The following MLLT3 variants were observed in gnomAD, a reference collection of about 807,000 sequenced individuals.
MLLT3 encodes protein AF-9.
A neutral mutation model predicts 53.2 loss-of-function variants in MLLT3; 4 were observed. That is an observed-to-expected ratio of 0.08 (90% confidence interval 0.04 to 0.17). The LOEUF (loss-of-function observed/expected upper bound fraction) is 0.17, where lower values mean the gene tolerates loss of function less well. MLLT3 is among the 10% of genes least tolerant of loss of function. The pLI is 1.00. For synonymous variants in MLLT3, 283 were observed against 230.6 expected (o/e 1.23, Z -2.06); for missense variants, 569 against 684.0 (o/e 0.83, Z 1.87).
At chr9:20,514,800 T>C (rs1355622608) in intron 2 of MLLT3, among the ~76,000 whole-genome samples, 1 of 152,142 alleles carries the variant, frequency 6.6e-6, no homozygotes, top group Admixed American at 6.5e-5. Context: ...CTAACACCTG[T>C]CAGGGACATG....
At chr9:20,475,109 A>T (rs937406422) in intron 2 of MLLT3, among the ~76,000 whole-genome samples, 1 of 152,208 alleles carries the variant, frequency 6.6e-6, no homozygotes, top group East Asian at 1.9e-4. Context: ...TTGGCTTAAG[A>T]GTTGATTCAT....
chr9:20,373,515 T>G (rs1228721362), intron 5 of MLLT3, among the ~76,000 whole-genome samples: 1 of 152,210 alleles, frequency 6.6e-6, no homozygotes, highest in African/African-American at 2.4e-5. Context: ...TACTTCCTCT[T>G]TAGGTAACAG....
intron 6 of MLLT3, 148 bp from the exon 7 acceptor site, chr9:20,363,753 A>G: frequency 1.5e-6 from 1 of 674,116 alleles, no homozygotes; most frequent in East Asian, 3.4e-5. Flanking sequence ...CAAATTTGGT[A>G]TAGTTTCTAA....
rs76641439 is a variant in MLLT3 at position 20,491,097 on chromosome 9, G to A, written c.194-34311C>T. On this transcript the variant is annotated intron_variant, in intron 2 of 10. Coordinates refer to ENST00000380338, the MANE Select transcript of MLLT3 (RefSeq NM_004529.4). ...CTTTTTTATAATGTCCTTAAGTGAC[G>A]TTAATATATCATATAACGTCCTTAA... Among the ~76,000 whole-genome samples the A allele has an allele frequency of 4.0e-3, 605 of 152,106 alleles. 1 individual carries two copies. The highest frequency in any genetic ancestry group is 6.1e-3 in the Admixed American group (93 of 15,270).
intron 2 of MLLT3, among the ~76,000 whole-genome samples, chr9:20,490,364 A>C (rs1824917370): frequency 6.6e-6 from 1 of 152,248 alleles, no homozygotes; most frequent in Non-Finnish European, 1.5e-5. Context: ...ACAAGAGAGA[A>C]GTCAGAGAGA....
At chr9:20,612,149 C>T (rs1361477229) in intron 2 of MLLT3, among the ~76,000 whole-genome samples, 2 of 152,164 alleles carry the variant, frequency 1.3e-5, no homozygotes, top group African/African-American at 2.4e-5. Context: ...TAAAAGTAAA[C>T]ATTGACCACC....
Position 20,424,773 on chromosome 9 carries a change from C to T in MLLT3, c.421-10348G>A, listed in dbSNP as rs189200938. Among the ~76,000 whole-genome samples, 11 of 152,306 alleles carry T rather than the reference C, an allele frequency of 7.2e-5. No individual in the cohort carries two copies. The East Asian group carries it at 1.7e-3, about 24-fold the overall frequency. ...CTAATCTACTCAGCTCCACCACTTG[C>T]TAAGTGCCTTAAATTTTCTTGTCAG... is the stretch of plus-strand genomic sequence containing the variant. On this transcript the variant is annotated intron_variant, in intron 4 of 10. Transcript: ENST00000380338.
chr9:20,499,136 G>A (rs1477079067), intron 2 of MLLT3, among the ~76,000 whole-genome samples: 1 of 152,096 alleles, frequency 6.6e-6, no homozygotes, highest in African/African-American at 2.4e-5. Flanking sequence ...CTTCCCATGG[G>A]CTTCTTCCTG....
chr9:20,492,294 G>C (rs1824966760), intron 2 of MLLT3, among the ~76,000 whole-genome samples: 1 of 151,942 alleles, frequency 6.6e-6, no homozygotes, highest in South Asian at 2.1e-4. Context: ...AAGGTACCAA[G>C]ATCCTTTTTA....
At chr9:20,616,115 T>A (rs868027848) in intron 2 of MLLT3, among the ~76,000 whole-genome samples, 8 of 152,230 alleles carry the variant, frequency 5.3e-5, no homozygotes, top group Middle Eastern at 3.4e-3. Flanking sequence ...AAAAGGATCT[T>A]AAGCCCAATA....
intron 2 of MLLT3, among the ~76,000 whole-genome samples, chr9:20,485,557 C>T (rs1045247241): frequency 3.3e-5 from 5 of 152,134 alleles, no homozygotes; most frequent in African/African-American, 1.2e-4. Flanking sequence ...ATTTCTCACA[C>T]GTTCCAAACA....
chr9:20,559,779 T>C (rs922540620), intron 2 of MLLT3, among the ~76,000 whole-genome samples: 4 of 152,188 alleles, frequency 2.6e-5, no homozygotes, highest in African/African-American at 7.2e-5. Context: ...ACATATTTTA[T>C]GGAATAGTCA....
Position 20,590,970 on chromosome 9 carries a change from G to C in MLLT3, c.193+29684C>G, listed in dbSNP as rs533809372. 4.6e-5 allele frequency among the ~76,000 whole-genome samples: 7 copies of C among 151,800 alleles called. No individual in the cohort carries two copies. In the East Asian group the frequency reaches 1.4e-3, roughly 29 times the overall value. ...TTCCTACATTGCCTAGTCTGGTCTT[G>C]AACTACTGGCCTCAGGCAATCCTTC... On this transcript the variant is annotated intron_variant, in intron 2 of 10. Transcript: ENST00000380338.
intron 5 of MLLT3, among the ~76,000 whole-genome samples, chr9:20,375,272 G>A (rs139357029): frequency 5.1e-4 from 77 of 152,286 alleles, no homozygotes; most frequent in African/African-American, 1.7e-3. Flanking sequence ...AATTAGAACC[G>A]GATTTTCTGA....
chr9:20,509,740 A>G (rs1825478519), intron 2 of MLLT3, among the ~76,000 whole-genome samples: 1 of 152,218 alleles, frequency 6.6e-6, no homozygotes, highest in Non-Finnish European at 1.5e-5. Context: ...TTTGTCTTAC[A>G]CATAGCCTTG....
chr9:20,467,954 G>A (rs1824276812), intron 2 of MLLT3, among the ~76,000 whole-genome samples: 1 of 152,148 alleles, frequency 6.6e-6, no homozygotes, highest in African/African-American at 2.4e-5. Context: ...TGCGGAAGAG[G>A]CAGGTATGTA....
At chr9:20,500,934 A>T (rs1020366290) in intron 2 of MLLT3, among the ~76,000 whole-genome samples, 3 of 152,224 alleles carry the variant, frequency 2.0e-5, no homozygotes, top group Non-Finnish European at 4.4e-5. Context: ...CCCAATAATT[A>T]TTAAGAATTG....
intron 2 of MLLT3, among the ~76,000 whole-genome samples, chr9:20,481,501 G>GCT (rs1368262905): frequency 2.0e-5 from 3 of 152,116 alleles, no homozygotes; most frequent in African/African-American, 2.4e-5. Context: ...CTTGACTTGA[G>GCT]CATCTGTGGA....
chr9:20,620,593 C>G lies in MLLT3; in HGVS notation c.193+61G>C. 2.0e-6 allele frequency: 3 copies of G among 1,512,538 alleles called. No individual in the cohort carries two copies. Among genetic ancestry groups the G allele is most frequent in the East Asian group, 2.4e-5 (1 of 42,206 alleles). The allele number at this position is 1,512,538 out of a possible 1,614,324, so 93.7% of individuals were successfully genotyped here. A position where few individuals can be genotyped will look rare whatever the true frequency, so the allele number is the denominator to read the frequency against. On this transcript the variant is annotated intron_variant, in intron 2 of 10. Coordinates refer to ENST00000380338, the MANE Select transcript of MLLT3 (RefSeq NM_004529.4). The surrounding 1 kb of genome is among the most constrained non-coding windows in gnomAD (Gnocchi z 6.1). ...CGGGGAGCGGGACAGCGGGACCGCC[C>G]GGGCCAAGCGATTGTTTCAAAGACA...
Sources: gnomAD v4.1 joint callset for allele counts (sites outside exome capture counted in the v4.1 genomes callset) on GRCh38, gnomAD v4.1.1 for gene constraint, Gnocchi (gnomAD v3.1) non-coding constraint, MANE v1.5 for transcripts, NCBI Gene and HGNC (gene_info 2026-07-23, HGNC 2026-07-21) for gene names.